Variants in ARK2C observed in about 807,000 individuals in gnomAD.
ARK2C encodes the protein E3 ubiquitin-protein ligase ARK2C.
chr18:46,430,070 CCT>C, the ARK2C span, among the ~76,000 whole-genome samples: 1 of 152,194 alleles, frequency 6.6e-6, no homozygotes, highest in East Asian at 1.9e-4. Context: ...AAGCTTTCCA[CCT>C]CTGTCAGGTG....
At chr18:46,364,957 G>C in the ARK2C span, among the ~76,000 whole-genome samples, 1 of 152,104 alleles carries the variant, frequency 6.6e-6, no homozygotes, top group Non-Finnish European at 1.5e-5. Flanking sequence ...GTCCCAGCTG[G>C]GTCTCTCCTA....
At chr18:46,433,852 T>G in the ARK2C span, among the ~76,000 whole-genome samples, 1 of 152,222 alleles carries the variant, frequency 6.6e-6, no homozygotes, top group Non-Finnish European at 1.5e-5. Context: ...AGTGGACTCC[T>G]GCATGGTGCG....
At chr18:46,428,508 T>C in the ARK2C span, among the ~76,000 whole-genome samples, 3 of 152,202 alleles carry the variant, frequency 2.0e-5, no homozygotes, top group Non-Finnish European at 2.9e-5. Context: ...CTCTATCAGT[T>C]AGGAAACTTG....
At chr18:46,336,829 A>G in the ARK2C span, 1 of 985,418 alleles carries the variant, frequency 1.0e-6, no homozygotes, top group Non-Finnish European at 1.2e-6. Flanking sequence ...GGCAGCACCC[A>G]GGCATAACTG....
At chr18:46,411,170 G>T in the ARK2C span, among the ~76,000 whole-genome samples, 3 of 152,342 alleles carry the variant, frequency 2.0e-5, no homozygotes, top group Middle Eastern at 6.8e-3. Context: ...AGCCAGGGTA[G>T]AAAGGAAACG....
chr18:46,451,701 A>C, the ARK2C span, among the ~76,000 whole-genome samples: 20 of 152,336 alleles, frequency 1.3e-4, no homozygotes, highest in African/African-American at 4.8e-4. Flanking sequence ...GTTACTAGGG[A>C]GGCTGAGGCA....
the ARK2C span, among the ~76,000 whole-genome samples, chr18:46,354,876 A>G: frequency 1.3e-5 from 2 of 152,216 alleles, no homozygotes; most frequent in East Asian, 1.9e-4. Flanking sequence ...AAAGACAAAC[A>G]TCAGTGCCAA....
At chr18:46,379,342 G>A in the ARK2C span, among the ~76,000 whole-genome samples, 1 of 152,166 alleles carries the variant, frequency 6.6e-6, no homozygotes, top group Non-Finnish European at 1.5e-5. Context: ...AAATTTAAAA[G>A]AACAAATCAA....
chr18:46,455,917 C>A, the ARK2C span: 3 of 1,080,906 alleles, frequency 2.8e-6, no homozygotes, highest in African/African-American at 1.5e-5. Context: ...TGAAAACCAC[C>A]AGCCACCAGC....
chr18:46,340,983 T>A, the ARK2C span, among the ~76,000 whole-genome samples: 1 of 152,172 alleles, frequency 6.6e-6, no homozygotes, highest in Non-Finnish European at 1.5e-5. Context: ...CCAGTGGCTC[T>A]GCTGATTTGG....
At chr18:46,372,199 G>A in the ARK2C span, among the ~76,000 whole-genome samples, 6 of 152,188 alleles carry the variant, frequency 3.9e-5, no homozygotes, top group Admixed American at 3.9e-4. Context: ...GCACTGAAGG[G>A]TCCTCCCTGG....
the ARK2C span, among the ~76,000 whole-genome samples, chr18:46,431,313 G>A: frequency 5.9e-5 from 9 of 152,158 alleles, no homozygotes; most frequent in African/African-American, 1.9e-4. Flanking sequence ...CTCTGTTCAT[G>A]CCAAAGAGTA....
the ARK2C span, chr18:46,336,693 A>G: frequency 2.0e-6 from 2 of 985,290 alleles, no homozygotes; most frequent in Non-Finnish European, 2.4e-6. Context: ...CCATTTTTGT[A>G]TCTTCATCTT....
At chr18:46,460,251 G>C in the ARK2C span, 1 of 152,586 alleles carries the variant, frequency 6.6e-6, no homozygotes, top group African/African-American at 2.4e-5. Flanking sequence ...CCCCCCGCCT[G>C]TAGGCGGGAC....
the ARK2C span, among the ~76,000 whole-genome samples, chr18:46,410,139 A>C: frequency 2.6e-5 from 4 of 151,980 alleles, no homozygotes; most frequent in Non-Finnish European, 4.4e-5. Flanking sequence ...TACATCTTCC[A>C]CTTCTAAGGT....
chr18:46,405,141 G>A, the ARK2C span, among the ~76,000 whole-genome samples: 6 of 152,232 alleles, frequency 3.9e-5, no homozygotes, highest in Admixed American at 2.0e-4. Flanking sequence ...TGTCTATGGT[G>A]TACAGTGTGG....
the ARK2C span, among the ~76,000 whole-genome samples, chr18:46,395,256 T>C: frequency 6.6e-6 from 1 of 152,220 alleles, no homozygotes; most frequent in Non-Finnish European, 1.5e-5. Context: ...TCCAGGGGAC[T>C]GTGTGACCAT....
chr18:46,455,947 GA>G, the ARK2C span: 1 of 1,479,630 alleles, frequency 6.8e-7, no homozygotes, highest in Non-Finnish European at 9.4e-7. Flanking sequence ...CCCAGGTAAT[GA>G]ATACTACTCT....
the ARK2C span, among the ~76,000 whole-genome samples, chr18:46,368,728 G>A: frequency 1.3e-5 from 2 of 152,198 alleles, no homozygotes; most frequent in Middle Eastern, 3.2e-3. Context: ...TAGTGGTCAG[G>A]GTTAGAGCAA....
Sources: gnomAD v4.1 joint callset for allele counts (sites outside exome capture counted in the v4.1 genomes callset) on GRCh38, gnomAD v4.1.1 for gene constraint, MANE v1.5 for transcripts, NCBI Gene and HGNC (gene_info 2026-07-23, HGNC 2026-07-21) for gene names.